Variants in NPAS3 observed in about 807,000 individuals in gnomAD.
NPAS3 encodes neuronal PAS domain-containing protein 3.
In NPAS3, 14 loss-of-function variants were observed where a neutral mutation model predicts 73.1. The ratio of observed to expected loss-of-function variants is 0.19; its 90% CI spans 0.13 to 0.30. NPAS3 has a LOEUF of 0.30. Ranked by LOEUF, NPAS3 falls within the 10% of genes least tolerant of loss-of-function variation. The probability of loss-of-function intolerance (pLI) is 1.00; values close to 1 mark genes in which losing one functional copy is unlikely to be tolerated. For missense variants in NPAS3, 1,096 were observed against 1,250.0 expected (o/e 0.88, Z 1.86); for synonymous variants, 620 against 541.5 (o/e 1.14, Z -2.01).
chr14:33,318,636 G>T (rs2043307150), intron 3 of NPAS3, among the ~76,000 whole-genome samples: 1 of 152,000 alleles, frequency 6.6e-6, no homozygotes, highest in African/African-American at 2.4e-5. Flanking sequence ...CTGAATCAAG[G>T]TAGAAGGTAT....
At chr14:33,292,605 A>G (rs1001207822) in intron 3 of NPAS3, among the ~76,000 whole-genome samples, 1 of 152,164 alleles carries the variant, frequency 6.6e-6, no homozygotes, top group Non-Finnish European at 1.5e-5. Flanking sequence ...AGTGATTTTC[A>G]GTTTTTATTT....
chr14:33,659,182 A>G (rs1338694422), intron 5 of NPAS3, among the ~76,000 whole-genome samples: 1 of 152,236 alleles, frequency 6.6e-6, no homozygotes, highest in Non-Finnish European at 1.5e-5. Context: ...TACACTTAAT[A>G]TACGCCAGGT....
At position 32,940,855 on chromosome 14, in the gene NPAS3, G is replaced by A. The variant is rs150766342; in HGVS notation, c.50+1489G>A. On this transcript the variant is annotated intron_variant, in intron 1 of 11. Coordinates refer to ENST00000356141, the Ensembl canonical transcript of NPAS3. ...TTGTCAGGATTAAGGAAATACTTTT[G>A]TTAAGTAGATACATAATTGACTAAT... Among the ~76,000 whole-genome samples the A allele has an allele frequency of 3.9e-4, 60 of 152,272 alleles. 1 individual carries two copies. The highest frequency in any genetic ancestry group is 1.4e-3 in the African/African-American group (57 of 41,554).
chr14:33,494,483 C>T (rs977392170), intron 4 of NPAS3, among the ~76,000 whole-genome samples: 32 of 152,008 alleles, frequency 2.1e-4, no homozygotes, highest in African/African-American at 7.2e-4. Flanking sequence ...TGTTTGGAAC[C>T]TCAGTGTCTC....
chr14:33,024,392 G>A (rs1330790755), intron 1 of NPAS3, among the ~76,000 whole-genome samples: 4 of 151,940 alleles, frequency 2.6e-5, no homozygotes, highest in Non-Finnish European at 4.4e-5. Context: ...AGCTGGTCTC[G>A]AACTACTGAC....
At chr14:33,425,849 C>A (rs1013232467) in intron 4 of NPAS3, among the ~76,000 whole-genome samples, 1 of 152,078 alleles carries the variant, frequency 6.6e-6, no homozygotes, top group African/African-American at 2.4e-5. Context: ...GCAGCATCAG[C>A]ACCTCACGGG....
chr14:33,689,941 G>A (rs373717412), intron 6 of NPAS3, among the ~76,000 whole-genome samples: 1 of 152,118 alleles, frequency 6.6e-6, no homozygotes, highest in Admixed American at 6.5e-5. Flanking sequence ...AGGGTTTGCA[G>A]CTTCTAGCCC....
rs201054954 is a variant in NPAS3, at chr14:33,083,712, AG to A, written c.140+27721del. Among the ~76,000 whole-genome samples the A allele has an allele frequency of 9.2e-3, 1,403 of 152,298 alleles. 4 individuals are homozygous for A. Among genetic ancestry groups the A allele is most frequent in the Non-Finnish European group, 0.015 (1,004 of 68,018 alleles). On this transcript the variant is annotated intron_variant, in intron 2 of 11. Coordinates refer to ENST00000356141, the Ensembl canonical transcript of NPAS3. ...ATTTAGGAGCCTCTCAAATATTTGA[AG>A]GGTATCCAGTTTTACTCTAGAGCTA...
At chr14:33,294,022 A>T (rs77671318) in intron 3 of NPAS3, among the ~76,000 whole-genome samples, 1 of 152,176 alleles carries the variant, frequency 6.6e-6, no homozygotes, top group East Asian at 1.9e-4. Context: ...GCACACAAAT[A>T]ATCACAGGAC....
chr14:33,606,878 A>G (rs990110699), intron 5 of NPAS3, among the ~76,000 whole-genome samples: 2 of 152,226 alleles, frequency 1.3e-5, no homozygotes, highest in African/African-American at 4.8e-5. Context: ...AAGAACTCTC[A>G]AAACTCAGTA....
intron 1 of NPAS3, among the ~76,000 whole-genome samples, chr14:33,020,084 T>A (rs1170018294): frequency 6.6e-6 from 1 of 152,222 alleles, no homozygotes; most frequent in Non-Finnish European, 1.5e-5. Flanking sequence ...TATTATATTT[T>A]TCAAAATATT....
chr14:33,460,993 A>G (rs940345158), intron 4 of NPAS3, among the ~76,000 whole-genome samples: 7 of 152,210 alleles, frequency 4.6e-5, no homozygotes, highest in African/African-American at 1.2e-4. Flanking sequence ...CAACAAGGAC[A>G]TTTTTGAACT....
Position 33,405,964 on chromosome 14 carries a change from C to T in NPAS3, c.468+38696C>T, listed in dbSNP as rs146662262. Among the ~76,000 whole-genome samples the T allele has an allele frequency of 1.6e-4, 24 of 151,964 alleles. No homozygotes were observed. In the East Asian group the frequency reaches 3.7e-3, roughly 23 times the overall value. ...AGCTTATGCCCTGAGGGGAAAAAAG[C>T]GGTTAAATTTTTTTTTAAAAGGAAC... On this transcript the variant is annotated intron_variant, in intron 4 of 11. Coordinates refer to ENST00000356141, the Ensembl canonical transcript of NPAS3.
At chr14:33,094,322 A>T (rs1275334303) in intron 2 of NPAS3, among the ~76,000 whole-genome samples, 1 of 152,178 alleles carries the variant, frequency 6.6e-6, no homozygotes, top group South Asian at 2.1e-4. Flanking sequence ...GCTTTTAGTT[A>T]TTCAATTTAT....
intron 3 of NPAS3, among the ~76,000 whole-genome samples, chr14:33,306,874 G>A (rs536271876): frequency 6.2e-4 from 95 of 152,294 alleles, no homozygotes; most frequent in Non-Finnish European, 1.0e-3. Flanking sequence ...AGGTTGGGAA[G>A]GGGAGCAGAG....
rs116460265 is a variant in NPAS3 at position 33,533,930 on chromosome 14, A to T, written c.469-26191A>T. Among the ~76,000 whole-genome samples the T allele has an allele frequency of 4.5e-3, 680 of 152,272 alleles. 8 individuals carry two copies. Among genetic ancestry groups the T allele is most frequent in the African/African-American group, 0.015 (623 of 41,572 alleles). The stretch of plus-strand genomic sequence containing the variant: ...ATATTTAAATATATGACAAGTGAAC[A>T]GGTATTTCCCTGATATTCTGCCCCA... On this transcript the variant is annotated intron_variant, in intron 4 of 11. Transcript: ENST00000356141.
At chr14:33,570,389 T>C (rs530373251) in intron 5 of NPAS3, among the ~76,000 whole-genome samples, 1 of 152,296 alleles carries the variant, frequency 6.6e-6, no homozygotes, top group South Asian at 2.1e-4. Context: ...TTTTGCATGC[T>C]TGTGATGTCC....
chr14:33,384,046 G>A (rs911512330), intron 4 of NPAS3, among the ~76,000 whole-genome samples: 1 of 152,040 alleles, frequency 6.6e-6, no homozygotes, highest in Non-Finnish European at 1.5e-5. Context: ...TGGCTTTGTT[G>A]TTTTCCATTT....
At chr14:33,761,999 C>T (rs957547531) in intron 7 of NPAS3, among the ~76,000 whole-genome samples, 1 of 152,180 alleles carries the variant, frequency 6.6e-6, no homozygotes, top group Admixed American at 6.5e-5. Context: ...AGATGCTTCT[C>T]CAAATTTAAA....
Sources: gnomAD v4.1 joint callset for allele counts (sites outside exome capture counted in the v4.1 genomes callset) on GRCh38, gnomAD v4.1.1 for gene constraint, MANE v1.5 for transcripts, NCBI Gene and HGNC (gene_info 2026-07-23, HGNC 2026-07-21) for gene names.